USP53: variants seen among roughly 807,000 people sequenced by gnomAD.
USP53 encodes the protein ubiquitin carboxyl-terminal hydrolase 53.
USP53 carries 71 observed loss-of-function variants against 94.9 expected under a neutral mutation model. The ratio of observed to expected loss-of-function variants is 0.75; its 90% CI spans 0.62 to 0.91. USP53 has a LOEUF of 0.91. Among genes scored for constraint, USP53 ranks in the 40% least tolerant of loss-of-function variants. USP53 has a pLI of 0.00. For synonymous variants in USP53, 375 were observed against 422.7 expected (o/e 0.89, Z 1.39); for missense variants, 1,173 against 1,281.0 (o/e 0.92, Z 1.29).
At chr4:119,288,046 G>A (rs1043867788) in intron 17 of USP53, among the ~76,000 whole-genome samples, 5 of 152,114 alleles carry the variant, frequency 3.3e-5, no homozygotes, top group African/African-American at 1.2e-4. Context: ...AAACTTTTGG[G>A]CCTCAGATAT....
chr4:119,257,675 T>G (rs1749956044), intron 9 of USP53, among the ~76,000 whole-genome samples: 1 of 152,236 alleles, frequency 6.6e-6, no homozygotes, highest in Admixed American at 6.5e-5. Flanking sequence ...AAATGTTATT[T>G]CATAAAGATT....
chr4:119,231,656 G>A (rs1214185156), intron 3 of USP53, among the ~76,000 whole-genome samples: 1 of 152,180 alleles, frequency 6.6e-6, no homozygotes, highest in African/African-American at 2.4e-5. Context: ...ATGCATTGCT[G>A]TGATTTATTA....
At chr4:119,220,466 T>C (rs1744365534) in intron 3 of USP53, 1 of 152,154 alleles carries the variant, frequency 6.6e-6, no homozygotes. Context: ...AAAAAGTAAG[T>C]TCTACTCTTT....
chr4:119,241,605 A>G (rs982065631), intron 5 of USP53, among the ~76,000 whole-genome samples: 6 of 152,022 alleles, frequency 3.9e-5, no homozygotes, highest in Admixed American at 2.0e-4. Context: ...GTTTCTCTGT[A>G]TGTAATTTGT....
intron 7 of USP53, among the ~76,000 whole-genome samples, chr4:119,251,344 G>A (rs1332400225): frequency 6.6e-6 from 1 of 152,148 alleles, no homozygotes; most frequent in Non-Finnish European, 1.5e-5. Flanking sequence ...TTGCTATTGT[G>A]AATAGTGCCA....
intron 17 of USP53, among the ~76,000 whole-genome samples, chr4:119,279,278 T>TC (rs1753117199): frequency 1.1e-5 from 1 of 93,764 alleles, no homozygotes; most frequent in Non-Finnish European, 2.1e-5. Context: ...GATGGGTTTT[T>TC]GGTGTGGATG....
intron 7 of USP53, among the ~76,000 whole-genome samples, chr4:119,252,167 TC>T (rs1749099783): frequency 6.6e-6 from 1 of 152,228 alleles, no homozygotes; most frequent in Non-Finnish European, 1.5e-5. Flanking sequence ...ACTTTAATGT[TC>T]ATCAGGGATA....
chr4:119,267,097 A>G (rs1407362690), intron 12 of USP53, among the ~76,000 whole-genome samples: 2 of 152,218 alleles, frequency 1.3e-5, no homozygotes, highest in African/African-American at 4.8e-5. Flanking sequence ...ATCACCTTGA[A>G]GTTTATAATC....
chr4:119,221,415 C>T (rs1744495418), intron 3 of USP53: 1 of 145,120 alleles, frequency 6.9e-6, no homozygotes, highest in African/African-American at 2.6e-5. Flanking sequence ...GCCTGGGTGA[C>T]AGAGTGAGAC....
At chr4:119,281,653 C>G (rs983898712) in intron 17 of USP53, among the ~76,000 whole-genome samples, 1 of 152,076 alleles carries the variant, frequency 6.6e-6, no homozygotes, top group Non-Finnish European at 1.5e-5. Context: ...AAGTTCAGTA[C>G]TTGTTACAAA....
intron 17 of USP53, among the ~76,000 whole-genome samples, chr4:119,274,058 T>A (rs1170355943): frequency 6.7e-6 from 1 of 149,358 alleles, no homozygotes. Flanking sequence ...TTTTTCTTGG[T>A]CCTCTTGTTT....
At chr4:119,291,303 C>A in intron 18 of USP53, 42 bp downstream of exon 18, 2 of 1,311,836 alleles carry the variant, frequency 1.5e-6, no homozygotes, top group Non-Finnish European at 2.1e-6. Flanking sequence ...ATTATAGGCA[C>A]GTTGTTTATC....
chr4:119,217,726 A>C (rs1188865224), intron 3 of USP53, 53 bp downstream of exon 3: 2 of 152,174 alleles, frequency 1.3e-5, no homozygotes, highest in African/African-American at 4.8e-5. Context: ...GCAATTTTAA[A>C]TAAGTGTAGG....
At chr4:119,271,077 A>C in intron 15 of USP53, 1 of 364,090 alleles carries the variant, frequency 2.7e-6, no homozygotes. Flanking sequence ...GATCTACCTT[A>C]GAGATCATTT....
intron 9 of USP53, among the ~76,000 whole-genome samples, chr4:119,257,010 A>G (rs990769395): frequency 1.3e-5 from 2 of 152,182 alleles, no homozygotes; most frequent in African/African-American, 4.8e-5. Context: ...AAAATTTGCC[A>G]TGCTTGCCTG....
intron 5 of USP53, 26 bp from the exon 6 acceptor site, chr4:119,245,311 T>G: frequency 6.2e-7 from 1 of 1,604,590 alleles, no homozygotes; most frequent in African/African-American, 1.3e-5. Context: ...TTATTTCTTT[T>G]TCCTTAACAT....
Position 119,267,360 on chromosome 4 carries a change from G to C in USP53, c.1013G>C (p.Arg338Pro). ...RWKDVVSKCI[R>P]CHFQPLLLFY... is the part of the protein sequence containing the mutation. ...AAAGATGTTGTCTCCAAATGCATTCGATGCCACTTTCAGCCACTACTTTTG... is the reference window on the plus strand; with the variant it reads ...AAAGATGTTGTCTCCAAATGCATTCCATGCCACTTTCAGCCACTACTTTTG... Residue 338 changes from arginine to proline, a missense_variant, in exon 13 of 19, where the codon CGA (arginine) becomes CCA (proline). Transcript: ENST00000692078. 1 of 1,613,758 alleles carries C rather than the reference G, an allele frequency of 6.2e-7. No homozygotes were observed. The highest frequency in any genetic ancestry group is 1.1e-5 in the South Asian group (1 of 91,050).
intron 3 of USP53, chr4:119,220,010 T>C (rs1350165055): frequency 6.6e-6 from 1 of 152,206 alleles, no homozygotes; most frequent in Non-Finnish European, 1.5e-5. Context: ...AAAGTATTAA[T>C]AACTGATATT....
At chr4:119,288,157 G>A (rs956234007) in intron 17 of USP53, among the ~76,000 whole-genome samples, 3 of 151,286 alleles carry the variant, frequency 2.0e-5, no homozygotes, top group Non-Finnish European at 4.4e-5. Flanking sequence ...ATCAACATTT[G>A]CTAGATTAGG....
Sources: allele counts gnomAD v4.1 joint callset (sites outside exome capture counted in the v4.1 genomes callset), GRCh38; gene constraint gnomAD v4.1.1; transcripts MANE v1.5; gene names NCBI Gene and HGNC (gene_info 2026-07-23, HGNC 2026-07-21).